Variants in MYO3A observed in about 807,000 individuals in gnomAD.
MYO3A encodes the protein myosin-IIIa.
A neutral mutation model predicts 192.7 loss-of-function variants in MYO3A; 180 were observed. That is an observed-to-expected ratio of 0.93 (90% confidence interval 0.83 to 1.06). MYO3A has a LOEUF of 1.06. Ranked by LOEUF, MYO3A falls within the 50% of genes least tolerant of loss-of-function variation. MYO3A has a pLI of 0.00. For missense variants in MYO3A, 1,896 were observed against 1,905.0 expected (o/e 1.00, Z 0.09); for synonymous variants, 628 against 645.3 (o/e 0.97, Z 0.41).
intron 11 of MYO3A, among the ~76,000 whole-genome samples, chr10:26,067,361 C>T (rs1261702288): frequency 6.6e-6 from 1 of 152,148 alleles, no homozygotes; most frequent in East Asian, 1.9e-4. Flanking sequence ...GGGTGAGGTC[C>T]TCGCAGTGTA....
At chr10:25,940,501 C>T (rs1464680216) in intron 2 of MYO3A, among the ~76,000 whole-genome samples, 1 of 152,040 alleles carries the variant, frequency 6.6e-6, no homozygotes, top group Non-Finnish European at 1.5e-5. Flanking sequence ...TCCAACAGAG[C>T]CCATTATTGT....
chr10:26,197,611 T>C (rs1056377699), intron 32 of MYO3A, among the ~76,000 whole-genome samples: 2 of 152,248 alleles, frequency 1.3e-5, no homozygotes, highest in African/African-American at 2.4e-5. Context: ...TTGCCCAGGC[T>C]GGAATGCAGT....
intron 10 of MYO3A, among the ~76,000 whole-genome samples, chr10:26,050,219 G>A (rs747567726): frequency 6.7e-6 from 1 of 148,908 alleles, no homozygotes; most frequent in African/African-American, 2.5e-5. Context: ...ATATATTTAC[G>A]GCCTCCCAAA....
intron 31 of MYO3A, among the ~76,000 whole-genome samples, chr10:26,186,726 T>C (rs190107050): frequency 6.6e-6 from 1 of 152,342 alleles, no homozygotes; most frequent in East Asian, 1.9e-4. Flanking sequence ...TTGCTCACTT[T>C]TCATTGGTCT....
At chr10:26,125,095 A>G (rs1839133964) in intron 18 of MYO3A, among the ~76,000 whole-genome samples, 1 of 152,218 alleles carries the variant, frequency 6.6e-6, no homozygotes, top group African/African-American at 2.4e-5. Flanking sequence ...TAATTTAGTG[A>G]AACTATATTT....
chr10:26,173,856 G>C lies in MYO3A; in HGVS notation c.3592G>C (p.Glu1198Gln). ...AAAAAAAATGAATAATGTGTATGAG[G>C]AAGAGGTTAAGCAAGAATTCTACCT... is the stretch of plus-strand genomic sequence containing the variant. ...TPKKMNNVYE[E>Q]EVKQEFYLVG... The change falls in exon 30 of 35, where the codon GAA becomes CAA. Residue 1198 changes from glutamate to glutamine, a missense_variant. Physicochemically the swap from Glu to Gln is conservative, Grantham distance 29. Coordinates refer to ENST00000642920, the MANE Select transcript of MYO3A (RefSeq NM_017433.5). 1 of 1,614,018 alleles carries C rather than the reference G, an allele frequency of 6.2e-7. No individual in the cohort carries two copies. The highest frequency in any genetic ancestry group is 8.5e-7 in the Non-Finnish European group (1 of 1,180,006).
intron 17 of MYO3A, among the ~76,000 whole-genome samples, chr10:26,112,830 C>T (rs1306477774): frequency 6.6e-6 from 1 of 152,162 alleles, no homozygotes; most frequent in African/African-American, 2.4e-5. Flanking sequence ...AGCCATTTCC[C>T]TGCCATAGTT....
intron 26 of MYO3A, among the ~76,000 whole-genome samples, chr10:26,159,685 G>A (rs1037673305): frequency 1.3e-5 from 2 of 152,092 alleles, no homozygotes; most frequent in Non-Finnish European, 2.9e-5. Flanking sequence ...AGCTGATTTT[G>A]GTTTTCTTTA....
At chr10:25,984,221 A>T (rs1839507122) in intron 4 of MYO3A, among the ~76,000 whole-genome samples, 1 of 152,244 alleles carries the variant, frequency 6.6e-6, no homozygotes. Flanking sequence ...CAAGGTATTC[A>T]GGCAACAAAT....
rs773171232 is a variant in MYO3A, at chr10:26,166,154, T to C, written c.3087T>C (p.Asp1029=). Residue 1029 remains aspartate (D), a synonymous_variant, in exon 27 of 35, where the codon GAT becomes GAC. Coordinates refer to ENST00000642920, the MANE Select transcript of MYO3A (RefSeq NM_017433.5). The part of the protein sequence containing the change: ...CATILEKAGL[D]NWALGKTKVF... ...CCATTTTGGAAAAAGCTGGTCTCGA[T>C]AACTGGGCTCTTGGAAAAACAAAAG... is the stretch of plus-strand genomic sequence containing the variant. 2.5e-6 allele frequency: 4 copies of C among 1,613,762 alleles called. No individual in the cohort carries two copies. The highest frequency in any genetic ancestry group is 1.7e-5 in the Admixed American group (1 of 59,988).
chr10:26,179,419 T>A (rs1842503693), intron 31 of MYO3A, among the ~76,000 whole-genome samples: 1 of 152,148 alleles, frequency 6.6e-6, no homozygotes, highest in African/African-American at 2.4e-5. Context: ...TTCTTAAATG[T>A]ATGCATAGTT....
intron 31 of MYO3A, among the ~76,000 whole-genome samples, chr10:26,187,654 A>G (rs1169640861): frequency 1.1e-5 from 1 of 89,806 alleles, no homozygotes; most frequent in African/African-American, 4.6e-5. Context: ...CCCCCACCCC[A>G]CAACAGGCAC....
At chr10:25,970,667 A>AAACTTGAT in intron 4 of MYO3A, among the ~76,000 whole-genome samples, 1 of 152,060 alleles carries the variant, frequency 6.6e-6, no homozygotes, top group South Asian at 2.1e-4. Context: ...TAAAGTAAAT[A>AAACTTGAT]AACTTGATCT....
At chr10:26,064,702 T>G (rs1834706279) in intron 10 of MYO3A, among the ~76,000 whole-genome samples, 1 of 152,036 alleles carries the variant, frequency 6.6e-6, no homozygotes, top group East Asian at 1.9e-4. Flanking sequence ...CTAGATAGAA[T>G]TTGATGATAG....
intron 32 of MYO3A, among the ~76,000 whole-genome samples, chr10:26,198,656 A>G (rs979080657): frequency 1.3e-4 from 20 of 152,222 alleles, no homozygotes; most frequent in Admixed American, 5.2e-4. Flanking sequence ...ACGTTTTGTC[A>G]TAAAACATAT....
At chr10:26,006,145 G>A (rs1444009597) in intron 6 of MYO3A, among the ~76,000 whole-genome samples, 5 of 152,074 alleles carry the variant, frequency 3.3e-5, no homozygotes, top group African/African-American at 4.8e-5. Flanking sequence ...GGTACATAAC[G>A]AAATGAAGGC....
chr10:26,083,892 A>G (rs1010604848), intron 14 of MYO3A, among the ~76,000 whole-genome samples: 1 of 152,228 alleles, frequency 6.6e-6, no homozygotes, highest in African/African-American at 2.4e-5. Flanking sequence ...TTCTTTGGGA[A>G]TGAAAATGGT....
intron 6 of MYO3A, among the ~76,000 whole-genome samples, chr10:25,999,130 C>T (rs917943443): frequency 6.6e-6 from 1 of 152,134 alleles, no homozygotes; most frequent in Non-Finnish European, 1.5e-5. Flanking sequence ...GATCTCCTGA[C>T]CTCATGATCC....
chr10:26,104,662 A>G, intron 17 of MYO3A, among the ~76,000 whole-genome samples: 1 of 152,144 alleles, frequency 6.6e-6, no homozygotes, highest in African/African-American at 2.4e-5. Flanking sequence ...TTTCAGGGTC[A>G]GTCCCTTAAA....
Sources: allele counts gnomAD v4.1 joint callset (sites outside exome capture counted in the v4.1 genomes callset), GRCh38; gene constraint gnomAD v4.1.1; transcripts MANE v1.5; gene names NCBI Gene and HGNC (gene_info 2026-07-23, HGNC 2026-07-21).